The following SNX5 variants were observed in gnomAD, a reference collection of about 807,000 sequenced individuals.
The protein encoded by SNX5 is sorting nexin-5.
SNX5 carries 31 observed loss-of-function variants against 53.9 expected under a neutral mutation model. The observed-to-expected ratio is 0.58, with a 90% CI of 0.43 to 0.78. The LOEUF (loss-of-function observed/expected upper bound fraction) is 0.78, where lower values mean the gene tolerates loss of function less well. Among genes scored for constraint, SNX5 ranks in the 30% least tolerant of loss-of-function variants. The pLI is 0.00. For missense variants in SNX5, 471 were observed against 478.8 expected, an observed-to-expected ratio of 0.98 and a Z score of 0.15; for synonymous variants, 168 against 171.1, an observed-to-expected ratio of 0.98 and a Z score of 0.14.
intron 10 of SNX5, among the ~76,000 whole-genome samples, chr20:17,948,667 C>T (rs1406025302): frequency 6.6e-6 from 1 of 152,126 alleles, no homozygotes; most frequent in Non-Finnish European, 1.5e-5. Flanking sequence ...ATGTTATGTC[C>T]CACATCAATG....
Position 17,951,518 on chromosome 20 carries a change from G to A in SNX5, c.591C>T (p.Val197=). 6.2e-7 allele frequency: 1 copy of A among 1,611,016 alleles called. No homozygotes were observed. The highest frequency in any genetic ancestry group is 8.5e-7 in the Non-Finnish European group (1 of 1,178,874). The change falls in exon 6 of 13, where the codon GTC becomes GTT. Residue 197 remains valine, a synonymous_variant. Coordinates refer to ENST00000377759, the MANE Select transcript of SNX5 (RefSeq NM_014426.4). The part of the protein sequence containing the change: ...FKSVVKSADE[V]LFTGVKEVDD... Reference sequence around the variant, plus strand: ...CACTTACCTTAACTCCAGTAAAAAGGACTTCATCAGCACTTTTCACCACAC... The same window carrying A: ...CACTTACCTTAACTCCAGTAAAAAGAACTTCATCAGCACTTTTCACCACAC...
At chr20:17,952,090 G>A (rs964145301) in intron 5 of SNX5, among the ~76,000 whole-genome samples, 3 of 152,152 alleles carry the variant, frequency 2.0e-5, no homozygotes, top group Non-Finnish European at 4.4e-5. Flanking sequence ...GGGTGTGGTG[G>A]TGGGCACCTG....
At chr20:17,947,459 T>C in intron 11 of SNX5, 27 bp downstream of exon 11, 1 of 1,604,484 alleles carries the variant, frequency 6.2e-7, no homozygotes, top group Non-Finnish European at 8.5e-7. Flanking sequence ...CAAATTACAG[T>C]ACAGAAAGAA....
At chr20:17,951,216 T>G (rs546730669) in intron 6 of SNX5, 5 of 352,224 alleles carry the variant, frequency 1.4e-5, no homozygotes, top group African/African-American at 1.0e-4. Context: ...ATACTGATCT[T>G]GTACTTTATT....
intron 8 of SNX5, among the ~76,000 whole-genome samples, 160 bp from the exon 9 acceptor site, chr20:17,949,263 A>T (rs1015519896): frequency 3.3e-5 from 5 of 152,206 alleles, no homozygotes; most frequent in African/African-American, 1.2e-4. Flanking sequence ...GACCCCAAAT[A>T]GTAGAGAAAA....
Position 17,950,227 on chromosome 20 carries a change from T to C in SNX5, c.716-20A>G, listed in dbSNP as rs1600337900. 4 of 1,613,930 alleles carry C rather than the reference T, an allele frequency of 2.5e-6. 1 individual carries two copies. Among genetic ancestry groups the C allele is most frequent in the South Asian group, 2.2e-5 (2 of 91,076 alleles). ...CAACATCTGCAGAAACAAGGACAAG[T>C]CTTTTTATCCAAACACAGCCAGGCT... On this transcript the variant is annotated intron_variant, in intron 7 of 12. Transcript: ENST00000377759.
intron 11 of SNX5, chr20:17,945,308 A>G (rs2039472393): frequency 6.6e-6 from 1 of 152,252 alleles, no homozygotes; most frequent in African/African-American, 2.4e-5. Flanking sequence ...ACTCAACTCT[A>G]GTCGTCAGCT....
Position 17,957,009 on chromosome 20 carries a change from A to G in SNX5, c.80T>C (p.Val27Ala), listed in dbSNP as rs1026667819. 1.0e-5 allele frequency: 16 copies of G among 1,606,604 alleles called. No homozygotes were observed. The Admixed American group carries it at 1.7e-4, about 17-fold the overall frequency. Residue 27 changes from valine to alanine, a missense_variant, in exon 2 of 13, where the codon GTT (valine) becomes GCT (alanine). Coordinates refer to ENST00000377759, the MANE Select transcript of SNX5 (RefSeq NM_014426.4). ...TATGTCAATCTGAAGCGAGGGATCA[A>G]CATTCAGGTCCACAGATACAGATCT... is the stretch of plus-strand genomic sequence containing the variant. The part of the protein sequence containing the change: ...KLRSVSVDLN[V>A]DPSLQIDIPD...
At chr20:17,962,905 G>A (rs752645801) in intron 1 of SNX5, 2 of 518,882 alleles carry the variant, frequency 3.9e-6, no homozygotes, top group South Asian at 1.4e-5. Flanking sequence ...GAAGGTCAGT[G>A]CAGCGCACTC....
intron 11 of SNX5, among the ~76,000 whole-genome samples, chr20:17,945,778 T>C (rs747094317): frequency 2.0e-5 from 3 of 152,200 alleles, no homozygotes; most frequent in Non-Finnish European, 4.4e-5. Context: ...TAATCCTGAA[T>C]AGACAGACAA....
intron 5 of SNX5, among the ~76,000 whole-genome samples, chr20:17,952,051 A>C (rs764307775): frequency 2.6e-5 from 4 of 152,134 alleles, no homozygotes; most frequent in Non-Finnish European, 4.4e-5. Context: ...GTGAAACCCC[A>C]TCTCTACTAA....
chr20:17,968,136 G>A (rs1033715334), intron 1 of SNX5: 2 of 400,222 alleles, frequency 5.0e-6, no homozygotes, highest in Non-Finnish European at 8.8e-6. Flanking sequence ...CGCCTGAGCT[G>A]GGGCTAAGGT....
At chr20:17,957,296 G>T (rs758729049) in intron 1 of SNX5, among the ~76,000 whole-genome samples, 1 of 151,890 alleles carries the variant, frequency 6.6e-6, no homozygotes, top group Non-Finnish European at 1.5e-5. Flanking sequence ...TTAGCTAAGC[G>T]TGGTGGCGGG....
chr20:17,955,751 A>G (rs2035341656), intron 2 of SNX5, among the ~76,000 whole-genome samples: 1 of 152,002 alleles, frequency 6.6e-6, no homozygotes, highest in Non-Finnish European at 1.5e-5. Context: ...ATAAGCCACA[A>G]CCCTAATTCT....
At chr20:17,951,201 A>T (rs2039563230) in intron 6 of SNX5, 1 of 300,958 alleles carries the variant, frequency 3.3e-6, no homozygotes, top group Non-Finnish European at 6.3e-6. Context: ...TGAGAGTGGG[A>T]TAAAATACTG....
Position 17,943,500 on chromosome 20 carries a change from A to G in SNX5, c.1079-305T>C, listed in dbSNP as rs2039445153. On this transcript the variant is annotated intron_variant, in intron 11 of 12. Coordinates refer to ENST00000377759, the MANE Select transcript of SNX5 (RefSeq NM_014426.4). The stretch of plus-strand genomic sequence containing the variant: ...GCCTCACTCTCACCCTCTAGGTACC[A>G]GTGACTGGGAACAGGGCTGGAGTAT... 6 of 311,680 alleles carry G rather than the reference A, an allele frequency of 1.9e-5. No homozygotes were observed. In the South Asian group the frequency reaches 2.2e-4, roughly 11 times the overall value. The allele number at this position is 311,680 out of a possible 1,614,324, so 19.3% of individuals were successfully genotyped here.
intron 1 of SNX5, chr20:17,968,122 C>T (rs193154188): frequency 2.4e-4 from 96 of 399,448 alleles, no homozygotes; most frequent in Middle Eastern, 1.3e-3. Context: ...CCGCTCGGCA[C>T]CGGCGCCTGA....
Position 17,954,010 on chromosome 20 carries a change from TTTCATCTTGGCAAA to T in SNX5, c.361_374del (p.Phe121ThrfsTer6). The T allele has an allele frequency of 6.2e-7, 1 of 1,613,952 alleles. No individual in the cohort carries two copies. The highest frequency in any genetic ancestry group is 1.7e-4 in the Middle Eastern group (1 of 6,058). On this transcript the variant is annotated frameshift_variant, in exon 4 of 13. Transcript: ENST00000377759. LOFTEE classifies it high-confidence loss of function. ...AATCCACTTACGCTTCCAGTTCTTG[TTTCATCTTGGCAAA>T]TTCTTCTTTGGTCATAGACCCTTCA...
At position 17,942,237 on chromosome 20, in the gene SNX5, T is replaced by C; in HGVS notation, c.*120A>G. On this transcript the variant is annotated 3_prime_UTR_variant, in exon 13 of 13. Transcript: ENST00000377759. ...GTTAAGATTTGTAGAAATCAAAATA[T>C]TTATTCACATAATTTTAAACTAAAG... is the stretch of plus-strand genomic sequence containing the variant. 1 of 672,870 alleles carries C rather than the reference T, an allele frequency of 1.5e-6. No homozygotes were observed. Among genetic ancestry groups the C allele is most frequent in the Non-Finnish European group, 2.7e-6 (1 of 375,932 alleles). 41.7% of individuals were successfully genotyped at this position (672,870 alleles called of 1,614,324 possible).
Sources: gnomAD v4.1 joint callset for allele counts (sites outside exome capture counted in the v4.1 genomes callset) on GRCh38, gnomAD v4.1.1 for gene constraint, MANE v1.5 for transcripts, NCBI Gene and HGNC (gene_info 2026-07-23, HGNC 2026-07-21) for gene names.